Variants in ANKRD36C observed in about 807,000 individuals in gnomAD.
ANKRD36C encodes ankyrin repeat domain-containing protein 36C.
ANKRD36C carries 61 observed loss-of-function variants against 276.4 expected under a neutral mutation model. The observed-to-expected ratio is 0.22, with a 90% CI of 0.18 to 0.27. ANKRD36C has a LOEUF of 0.27. ANKRD36C is among the 10% of genes least tolerant of loss of function. The pLI, the probability that ANKRD36C is intolerant of heterozygous loss-of-function variation, is 1.00. For synonymous variants in ANKRD36C, 483 were observed against 680.1 expected, an observed-to-expected ratio of 0.71 and a Z score of 4.51; for missense variants, 1,447 against 2,032.3, an observed-to-expected ratio of 0.71 and a Z score of 5.54.
chr2:95,936,460 C>T (rs1677719466), intron 22 of ANKRD36C, among the ~76,000 whole-genome samples: 1 of 152,266 alleles, frequency 6.6e-6, no homozygotes, highest in African/African-American at 2.4e-5. Context: ...ACATGAAGCA[C>T]CTGTCCTATT....
chr2:95,969,343 A>G (rs1678654470), intron 6 of ANKRD36C, among the ~76,000 whole-genome samples: 2 of 152,162 alleles, frequency 1.3e-5, no homozygotes, highest in Non-Finnish European at 1.5e-5. Context: ...GACCAAATAT[A>G]TATTTCATAA....
chr2:95,895,443 G>C, intron 44 of ANKRD36C: 1 of 1,259,778 alleles, frequency 7.9e-7, no homozygotes, highest in Non-Finnish European at 1.1e-6. Context: ...GGTTATATTT[G>C]AAAAAGAATC....
intron 3 of ANKRD36C, among the ~76,000 whole-genome samples, chr2:95,983,570 T>G (rs930676345): frequency 6.6e-6 from 1 of 151,686 alleles, no homozygotes; most frequent in Non-Finnish European, 1.5e-5. Flanking sequence ...TGAAAGCCAC[T>G]AAATTATTTG....
chr2:95,964,424 T>C (rs889268194), intron 6 of ANKRD36C, among the ~76,000 whole-genome samples: 6 of 152,008 alleles, frequency 3.9e-5, no homozygotes, highest in Non-Finnish European at 7.4e-5. Flanking sequence ...ACACTCTTTT[T>C]CGTTCATAAA....
intron 44 of ANKRD36C, among the ~76,000 whole-genome samples, chr2:95,896,220 G>C (rs1676545529): frequency 6.7e-6 from 1 of 148,590 alleles, no homozygotes; most frequent in Non-Finnish European, 1.5e-5. Context: ...CACTAGTTTA[G>C]GCTTCCGAAA....
At chr2:95,988,620 T>C (rs1236428552) in intron 1 of ANKRD36C, among the ~76,000 whole-genome samples, 1 of 152,176 alleles carries the variant, frequency 6.6e-6, no homozygotes, top group African/African-American at 2.4e-5. Flanking sequence ...AAGTTTATTA[T>C]GAAAAAAACA....
intron 42 of ANKRD36C, 122 bp downstream of exon 48, chr2:95,908,380 G>T: frequency 1.4e-6 from 1 of 739,336 alleles, no homozygotes; most frequent in South Asian, 6.2e-5. Context: ...TTGAAATGAA[G>T]AATCTCAGGA....
chr2:95,958,243 G>A (rs1027857634), intron 12 of ANKRD36C, among the ~76,000 whole-genome samples: 10 of 151,760 alleles, frequency 6.6e-5, no homozygotes, highest in African/African-American at 1.5e-4. Flanking sequence ...GTGATCAGGC[G>A]CCTACAATTT....
chr2:95,961,637 C>T (rs1233693129), intron 8 of ANKRD36C, among the ~76,000 whole-genome samples: 2 of 151,974 alleles, frequency 1.3e-5, no homozygotes, highest in Non-Finnish European at 2.9e-5. Flanking sequence ...CATGATTAGC[C>T]TATTTGAATA....
At chr2:95,915,048 G>A (rs1399861897) in intron 38 of ANKRD36C, among the ~76,000 whole-genome samples, 2 of 151,446 alleles carry the variant, frequency 1.3e-5, no homozygotes, top group Non-Finnish European at 3.0e-5. Flanking sequence ...ACTGCTACAA[G>A]CATTAGATAT....
At chr2:95,890,266 T>C (rs1297430895) in intron 46 of ANKRD36C, among the ~76,000 whole-genome samples, 1 of 151,490 alleles carries the variant, frequency 6.6e-6, no homozygotes, top group Non-Finnish European at 1.5e-5. Flanking sequence ...TCAATGTCGA[T>C]ATGCCGAGTG....
Position 95,910,359 on chromosome 2 carries a change from G to C in ANKRD36C, c.2653+1885C>G, listed in dbSNP as rs1054465210. The C allele has an allele frequency of 2.3e-5, 35 of 1,532,194 alleles. No individual in the cohort carries two copies. Among genetic ancestry groups the C allele is most frequent in the Non-Finnish European group, 3.1e-5 (35 of 1,139,728 alleles). The allele number at this position is 1,532,194 out of a possible 1,614,324, so 94.9% of individuals were successfully genotyped here. On this transcript the variant is annotated intron_variant, in intron 42 of 66. Coordinates refer to ENST00000456556, the Ensembl canonical transcript of ANKRD36C. Reference sequence around the variant, plus strand: ...CTGGACAGAACACGACATTAAATCTGTTTTCAAAATTACCTGTCCTAGATT... The same window carrying C: ...CTGGACAGAACACGACATTAAATCTCTTTTCAAAATTACCTGTCCTAGATT...
At chr2:95,922,010 T>C (rs1677284996) in intron 32 of ANKRD36C, among the ~76,000 whole-genome samples, 200 bp from the exon 33 acceptor site, 1 of 151,604 alleles carries the variant, frequency 6.6e-6, no homozygotes, top group Admixed American at 6.6e-5. Context: ...TATTCCTAAC[T>C]ATTTCAAACA....
chr2:95,853,597 A>G (rs1573715939), intron 64 of ANKRD36C, 112 bp downstream of exon 84: 33 of 1,088,108 alleles, frequency 3.0e-5, no homozygotes, highest in Non-Finnish European at 3.9e-5. Flanking sequence ...AACATTAATT[A>G]TCATAAAAAT....
At chr2:95,929,127 T>C in exon 26 of ANKRD36C, 1 of 1,603,436 alleles carries the variant, frequency 6.2e-7, no homozygotes, top group Non-Finnish European at 8.5e-7. Context: ...AAACAGAATC[T>C]TTGTCGTCAC....
At chr2:95,854,528 T>C (rs1675364631) in intron 63 of ANKRD36C, among the ~76,000 whole-genome samples, 1 of 152,108 alleles carries the variant, frequency 6.6e-6, no homozygotes, top group African/African-American at 2.4e-5. Context: ...CAAAGTTATA[T>C]CCAAATGATA....
intron 64 of ANKRD36C, chr2:95,852,491 T>C: frequency 3.3e-6 from 1 of 298,816 alleles, no homozygotes; most frequent in South Asian, 4.8e-5. Context: ...TAAATAATAC[T>C]ATCTGGCCCT....
At chr2:95,982,974 A>G (rs1385974694) in intron 3 of ANKRD36C, among the ~76,000 whole-genome samples, 1 of 151,122 alleles carries the variant, frequency 6.6e-6, no homozygotes, top group East Asian at 2.0e-4. Flanking sequence ...GTAAATACTT[A>G]TTTTGGAGAA....
At chr2:95,945,065 A>C (rs1244125757) in intron 18 of ANKRD36C, 49 bp downstream of exon 18, 2 of 1,503,554 alleles carry the variant, frequency 1.3e-6, no homozygotes, top group Non-Finnish European at 1.8e-6. Context: ...AAAAGAAAGA[A>C]AAAAAAGAAT....
Sources: gnomAD v4.1 joint callset for allele counts (sites outside exome capture counted in the v4.1 genomes callset) on GRCh38, gnomAD v4.1.1 for gene constraint, MANE v1.5 for transcripts, NCBI Gene and HGNC (gene_info 2026-07-23, HGNC 2026-07-21) for gene names.